Variants in UMAD1 observed in about 807,000 individuals in gnomAD.
UMAD1 encodes the protein UBAP1-MVB12-associated (UMA)-domain containing protein 1.
A neutral mutation model predicts 6.1 loss-of-function variants in UMAD1; 8 were observed. The ratio of observed to expected loss-of-function variants is 1.30; its 90% CI spans 0.76 to 2.35. The LOEUF (loss-of-function observed/expected upper bound fraction) is 2.35. UMAD1 is among the 30% of genes most tolerant of loss of function. The pLI, the probability that UMAD1 is intolerant of heterozygous loss-of-function variation, is 0.00. For missense variants in UMAD1, 130 were observed against 78.4 expected (o/e 1.66, Z -2.49); for synonymous variants, 56 against 31.4 (o/e 1.78, Z -2.61).
intron 3 of UMAD1, among the ~76,000 whole-genome samples, chr7:7,824,551 G>A (rs1054993486): frequency 2.6e-5 from 4 of 152,116 alleles, no homozygotes; most frequent in African/African-American, 9.7e-5. Flanking sequence ...ATCATCCTTA[G>A]AATGAATTCT....
chr7:7,660,340 C>T (rs1234439608), intron 1 of UMAD1, among the ~76,000 whole-genome samples: 3 of 152,064 alleles, frequency 2.0e-5, no homozygotes, highest in Admixed American at 6.6e-5. Context: ...TTGATCCTGC[C>T]ATTATTATGC....
intron 3 of UMAD1, among the ~76,000 whole-genome samples, chr7:7,869,462 T>G (rs1243979378): frequency 6.6e-6 from 1 of 152,336 alleles, no homozygotes; most frequent in East Asian, 1.9e-4. Flanking sequence ...TGCATGTAAA[T>G]TGAATGTGTT....
rs534690156 is a variant in UMAD1 at position 7,700,002 on chromosome 7, C to T, written c.82+26549C>T. On this transcript the variant is annotated intron_variant, in intron 2 of 3. Coordinates refer to ENST00000682710, the MANE Select transcript of UMAD1 (RefSeq NM_001302348.2). ...TTCTCATGAAGTAAGTGTGGTGATA[C>T]TTACAAGTTATTCAAATATTTAGAG... Among the ~76,000 whole-genome samples the T allele has an allele frequency of 2.6e-5, 4 of 152,318 alleles. No individual in the cohort carries two copies. In the South Asian group the frequency reaches 8.3e-4, roughly 32 times the overall value.
At chr7:7,711,025 G>A (rs551446331) in intron 2 of UMAD1, among the ~76,000 whole-genome samples, 10 of 152,260 alleles carry the variant, frequency 6.6e-5, no homozygotes, top group African/African-American at 1.9e-4. Flanking sequence ...ATTGGTCGCC[G>A]GTGGGTAAGG....
chr7:7,752,605 C>T (rs1781699530), intron 2 of UMAD1, among the ~76,000 whole-genome samples: 1 of 152,046 alleles, frequency 6.6e-6, no homozygotes, highest in Non-Finnish European at 1.5e-5. Flanking sequence ...TTCCTTAACA[C>T]ATATTTCTAA....
At chr7:7,707,052 T>G (rs959536912) in intron 2 of UMAD1, among the ~76,000 whole-genome samples, 1 of 152,192 alleles carries the variant, frequency 6.6e-6, no homozygotes, top group Non-Finnish European at 1.5e-5. Flanking sequence ...AGGACACTAA[T>G]TAATTAGCAT....
At chr7:7,875,787 T>C (rs1028102328) in intron 3 of UMAD1, among the ~76,000 whole-genome samples, 30 of 152,194 alleles carry the variant, frequency 2.0e-4, no homozygotes, top group Non-Finnish European at 3.4e-4. Flanking sequence ...GAACATGAGC[T>C]ACAAAAGCTT....
chr7:7,752,731 A>G (rs1260633812), intron 2 of UMAD1, among the ~76,000 whole-genome samples: 1 of 152,124 alleles, frequency 6.6e-6, no homozygotes. Context: ...AAAATTTTAG[A>G]AAAAAGCATT....
In UMAD1 at chr7:7,877,337, G is replaced by C. The variant is rs1475526984; in HGVS notation, c.213G>C (p.Lys71Asn). ...TATCAGACCCTGAGATGGAAAATAA[G>C]GCAGGCCAGACTCTGGAGAACAGCT... ...VTVSDPEMEN[K>N]AGQTLENSSL... Residue 71 changes from lysine to asparagine, a missense_variant, in exon 4 of 4, where the codon AAG (lysine) becomes AAC (asparagine). Coordinates refer to ENST00000682710, the MANE Select transcript of UMAD1 (RefSeq NM_001302348.2). The C allele has an allele frequency of 1.4e-6, 1 of 717,376 alleles. No homozygotes were observed. The allele number at this position is 717,376 out of a possible 1,614,324, so 44.4% of individuals were successfully genotyped here.
At chr7:7,815,745 G>A (rs1031923757) in intron 3 of UMAD1, among the ~76,000 whole-genome samples, 9 of 152,156 alleles carry the variant, frequency 5.9e-5, no homozygotes, top group African/African-American at 1.9e-4. Flanking sequence ...AGTGGCACGG[G>A]AGCCTGGTAA....
intron 2 of UMAD1, among the ~76,000 whole-genome samples, chr7:7,752,469 C>T (rs572185648): frequency 3.3e-5 from 5 of 151,844 alleles, no homozygotes; most frequent in African/African-American, 1.2e-4. Context: ...TATTAGTTGC[C>T]ACATATGAAA....
chr7:7,868,260 G>C (rs567595149), intron 3 of UMAD1: 13 of 152,092 alleles, frequency 8.5e-5, no homozygotes, highest in Admixed American at 6.5e-4. Flanking sequence ...TGCATTTAAC[G>C]CACTATTTCT....
intron 2 of UMAD1, among the ~76,000 whole-genome samples, chr7:7,744,065 G>T (rs1471963742): frequency 6.6e-6 from 1 of 152,024 alleles, no homozygotes; most frequent in Non-Finnish European, 1.5e-5. Context: ...TCCATTAGCA[G>T]TTACTCACTA....
intron 2 of UMAD1, among the ~76,000 whole-genome samples, chr7:7,765,881 TC>T: frequency 6.6e-6 from 1 of 152,360 alleles, no homozygotes; most frequent in East Asian, 1.9e-4. Flanking sequence ...AATAATTTTT[TC>T]CCTCTATTTA....
At chr7:7,873,191 C>T (rs540891455) in intron 3 of UMAD1, among the ~76,000 whole-genome samples, 3 of 152,244 alleles carry the variant, frequency 2.0e-5, no homozygotes, top group Admixed American at 1.3e-4. Flanking sequence ...TTGCCCAAGG[C>T]CATTTGCTTA....
intron 1 of UMAD1, among the ~76,000 whole-genome samples, chr7:7,648,968 G>A (rs1394736182): frequency 6.6e-6 from 1 of 152,062 alleles, no homozygotes; most frequent in Non-Finnish European, 1.5e-5. Context: ...GACCAGCCTG[G>A]CCAACATGGC....
At chr7:7,754,105 A>T (rs1162526991) in intron 2 of UMAD1, among the ~76,000 whole-genome samples, 1 of 152,098 alleles carries the variant, frequency 6.6e-6, no homozygotes, top group Non-Finnish European at 1.5e-5. Flanking sequence ...GAATCGCTTG[A>T]ACCTGGGAGG....
At chr7:7,731,202 A>C (rs1781244314) in intron 2 of UMAD1, among the ~76,000 whole-genome samples, 1 of 152,004 alleles carries the variant, frequency 6.6e-6, no homozygotes, top group Non-Finnish European at 1.5e-5. Context: ...GGGTTCCACC[A>C]TGTTGGCCAG....
intron 2 of UMAD1, among the ~76,000 whole-genome samples, chr7:7,775,110 T>G (rs1024362357): frequency 6.6e-6 from 1 of 152,258 alleles, no homozygotes; most frequent in East Asian, 1.9e-4. Context: ...AAGACTGATT[T>G]GAGCTCATTC....
Sources: gnomAD v4.1 joint callset for allele counts (sites outside exome capture counted in the v4.1 genomes callset) on GRCh38, gnomAD v4.1.1 for gene constraint, MANE v1.5 for transcripts, NCBI Gene and HGNC (gene_info 2026-07-23, HGNC 2026-07-21) for gene names.